Variants in EPS15 observed in about 807,000 individuals in gnomAD.
EPS15 encodes the protein epidermal growth factor receptor pathway substrate 15, also known as epidermal growth factor receptor substrate 15.
A neutral mutation model predicts 113.8 loss-of-function variants in EPS15; 72 were observed. The observed-to-expected ratio is 0.63, with a 90% CI of 0.52 to 0.77. The LOEUF (loss-of-function observed/expected upper bound fraction) is 0.77. Among genes scored for constraint, EPS15 ranks in the 30% least tolerant of loss-of-function variants. The probability of loss-of-function intolerance (pLI) is 0.00; values close to 1 mark genes in which losing one functional copy is unlikely to be tolerated. For missense variants in EPS15, 1,048 were observed against 1,045.8 expected, an observed-to-expected ratio of 1.00 and a Z score of -0.03; for synonymous variants, 344 against 363.4, an observed-to-expected ratio of 0.95 and a Z score of 0.61.
At chr1:51,455,129 A>C (rs1005305517) in intron 8 of EPS15, among the ~76,000 whole-genome samples, 4 of 152,212 alleles carry the variant, frequency 2.6e-5, no homozygotes, top group African/African-American at 9.7e-5. Flanking sequence ...AAAAAGCAGT[A>C]GTTTCAGCCC....
intron 4 of EPS15, among the ~76,000 whole-genome samples, chr1:51,471,093 G>A (rs1655203863): frequency 6.6e-6 from 1 of 152,122 alleles, no homozygotes; most frequent in Non-Finnish European, 1.5e-5. Context: ...CCGGGGGTGG[G>A]GAGGAAGCCT....
chr1:51,479,880 G>A (rs763991600), intron 2 of EPS15, among the ~76,000 whole-genome samples: 26 of 152,268 alleles, frequency 1.7e-4, no homozygotes, highest in South Asian at 1.2e-3. Context: ...CTAGCCTCAC[G>A]GGTAGTAAAG....
At chr1:51,424,612 A>G (rs538669880) in intron 12 of EPS15, among the ~76,000 whole-genome samples, 1 of 152,184 alleles carries the variant, frequency 6.6e-6, no homozygotes, top group Non-Finnish European at 1.5e-5. Context: ...TTTCAAAAAT[A>G]GGTGTGTGAG....
At chr1:51,501,338 G>A (rs996983187) in intron 1 of EPS15, among the ~76,000 whole-genome samples, 1 of 151,986 alleles carries the variant, frequency 6.6e-6, no homozygotes, top group South Asian at 2.1e-4. Context: ...AACCCGGGAG[G>A]TGGAGGTTGC....
At chr1:51,420,354 G>A (rs1037706547) in intron 13 of EPS15, among the ~76,000 whole-genome samples, 5 of 152,056 alleles carry the variant, frequency 3.3e-5, no homozygotes, top group African/African-American at 1.2e-4. Flanking sequence ...AAAAAATGCA[G>A]CAGGGAAAAA....
chr1:51,403,004 T>G (rs1359541351), intron 17 of EPS15, among the ~76,000 whole-genome samples: 1 of 152,194 alleles, frequency 6.6e-6, no homozygotes, highest in African/African-American at 2.4e-5. Context: ...CTTAACATAT[T>G]TTTCTCTTTC....
At chr1:51,421,059 T>C (rs943563141) in intron 13 of EPS15, among the ~76,000 whole-genome samples, 1 of 152,102 alleles carries the variant, frequency 6.6e-6, no homozygotes, top group Non-Finnish European at 1.5e-5. Context: ...CCCAATAACA[T>C]GGCCACATGC....
At chr1:51,483,848 T>C (rs1193129978) in intron 1 of EPS15, among the ~76,000 whole-genome samples, 2 of 151,150 alleles carry the variant, frequency 1.3e-5, no homozygotes, top group East Asian at 1.9e-4. Flanking sequence ...GGTTCATGCC[T>C]GTAATCCCAG....
At chr1:51,477,737 G>A (rs1442545976) in intron 2 of EPS15, among the ~76,000 whole-genome samples, 2 of 152,162 alleles carry the variant, frequency 1.3e-5, no homozygotes, top group Non-Finnish European at 2.9e-5. Context: ...GGAGCAGGTT[G>A]TTCAGTTGCC....
chr1:51,412,127 T>C (rs1186444857), intron 13 of EPS15, among the ~76,000 whole-genome samples: 1 of 152,128 alleles, frequency 6.6e-6, no homozygotes, highest in Non-Finnish European at 1.5e-5. Context: ...AAACACCACA[T>C]GTTCTCACTC....
intron 12 of EPS15, among the ~76,000 whole-genome samples, chr1:51,434,052 A>G (rs1651946151): frequency 6.6e-6 from 1 of 152,254 alleles, no homozygotes; most frequent in African/African-American, 2.4e-5. Context: ...AACTCCTGAA[A>G]TAAATACAAA....
chr1:51,490,328 G>A (rs558963563), intron 1 of EPS15: 144 of 440,834 alleles, frequency 3.3e-4, no homozygotes, highest in Non-Finnish European at 5.0e-4. Flanking sequence ...CACTCTGGGC[G>A]GCCAAAGCGG....
intron 21 of EPS15, among the ~76,000 whole-genome samples, chr1:51,392,552 G>A (rs570401296): frequency 5.3e-5 from 8 of 152,224 alleles, no homozygotes; most frequent in Non-Finnish European, 1.2e-4. Flanking sequence ...CTTCAGCCTT[G>A]ACTATTCCTC....
At chr1:51,432,955 T>A (rs1343528342) in intron 12 of EPS15, among the ~76,000 whole-genome samples, 18 of 152,148 alleles carry the variant, frequency 1.2e-4, no homozygotes, top group Non-Finnish European at 8.8e-5. Flanking sequence ...ACACATCAAG[T>A]TGGATCATAA....
At chr1:51,376,249 A>G (rs554095456) in intron 21 of EPS15, among the ~76,000 whole-genome samples, 1 of 152,352 alleles carries the variant, frequency 6.6e-6, no homozygotes, top group East Asian at 1.9e-4. Context: ...ATTAAGATAA[A>G]TTGACAGTAG....
Position 51,355,924 on chromosome 1 carries a change from A to C in EPS15, c.*776T>G, listed in dbSNP as rs538697570. 7.3e-5 allele frequency: 14 copies of C among 193,044 alleles called. No homozygotes were observed. The East Asian group carries it at 9.0e-4, about 12-fold the overall frequency. 12.0% of individuals were successfully genotyped at this position (193,044 alleles called of 1,614,324 possible). ...TGATAAATTTTCTCCACTATCTATCACTTAAAATGAACATTTTCTTACAAA... is the reference window on the plus strand; with the variant it reads ...TGATAAATTTTCTCCACTATCTATCCCTTAAAATGAACATTTTCTTACAAA... On this transcript the variant is annotated 3_prime_UTR_variant, in exon 25 of 25. Coordinates refer to ENST00000371733, the MANE Select transcript of EPS15 (RefSeq NM_001981.3).
intron 21 of EPS15, among the ~76,000 whole-genome samples, chr1:51,366,638 T>C (rs1046633760): frequency 6.6e-6 from 1 of 152,192 alleles, no homozygotes; most frequent in Non-Finnish European, 1.5e-5. Flanking sequence ...ACATTTCAAA[T>C]AATATAGCTC....
intron 1 of EPS15, among the ~76,000 whole-genome samples, chr1:51,501,882 C>G (rs1458805021): frequency 6.6e-6 from 1 of 152,150 alleles, no homozygotes; most frequent in Non-Finnish European, 1.5e-5. Flanking sequence ...CTAATAATAA[C>G]CTACATCTCA....
intron 1 of EPS15, among the ~76,000 whole-genome samples, chr1:51,488,326 A>G (rs1016790015): frequency 6.6e-6 from 1 of 152,096 alleles, no homozygotes; most frequent in African/African-American, 2.4e-5. Context: ...TTCATTACCT[A>G]TATCATAAAT....
Sources: allele counts gnomAD v4.1 joint callset (sites outside exome capture counted in the v4.1 genomes callset), GRCh38; gene constraint gnomAD v4.1.1; transcripts MANE v1.5; gene names NCBI Gene and HGNC (gene_info 2026-07-23, HGNC 2026-07-21).